The following LETM1 variants were observed in gnomAD, a reference collection of about 807,000 sequenced individuals.
The protein encoded by LETM1 is mitochondrial proton/calcium exchanger protein.
A neutral mutation model predicts 74.5 loss-of-function variants in LETM1; 50 were observed. The ratio of observed to expected loss-of-function variants is 0.67; its 90% confidence interval spans 0.53 to 0.85. The LOEUF is 0.85. Ranked by LOEUF, LETM1 falls within the 40% of genes least tolerant of loss-of-function variation. LETM1 has a pLI of 0.00. For missense variants in LETM1, 824 were observed against 967.8 expected, an observed-to-expected ratio of 0.85 and a Z score of 1.97; for synonymous variants, 446 against 407.1, an observed-to-expected ratio of 1.10 and a Z score of -1.15.
At position 1,849,133 on chromosome 4, in the gene LETM1, A is replaced by T; in HGVS notation, c.143+16T>A. 1 of 1,592,830 alleles carries T rather than the reference A, an allele frequency of 6.3e-7. No homozygotes were observed. ...TTTTCAAACAGACAGGTGCAGAGTG[A>T]TACTGATTTACTCACAGGCAGTTCC... On this transcript the variant is annotated intron_variant, in intron 2 of 13. Coordinates refer to ENST00000302787, the MANE Select transcript of LETM1 (RefSeq NM_012318.3).
intron 3 of LETM1, among the ~76,000 whole-genome samples, chr4:1,840,573 A>G (rs999768349): frequency 1.3e-5 from 2 of 151,794 alleles, no homozygotes; most frequent in African/African-American, 4.8e-5. Flanking sequence ...AGGCTGAGGC[A>G]GGAGAATGGT....
chr4:1,842,674 T>C (rs1712743664), intron 2 of LETM1, among the ~76,000 whole-genome samples: 1 of 152,184 alleles, frequency 6.6e-6, no homozygotes, highest in Admixed American at 6.5e-5. Context: ...AGTGGGAGGC[T>C]GGCACTAACC....
rs1385683018 is a variant in LETM1, at chr4:1,823,513, C to T, written c.1332+131G>A. The T allele has an allele frequency of 4.4e-5, 47 of 1,076,698 alleles. 2 individuals carry two copies. In the South Asian group the frequency reaches 4.8e-4, roughly 11 times the overall value. The allele number at this position is 1,076,698 out of a possible 1,614,324, so 66.7% of individuals were successfully genotyped here. A position where few individuals can be genotyped will look rare whatever the true frequency, so the allele number is the denominator to read the frequency against. On this transcript the variant is annotated intron_variant, in intron 8 of 13. Coordinates refer to ENST00000302787, the MANE Select transcript of LETM1 (RefSeq NM_012318.3). ...GGACAGGTGGCTGGGTGGGGGCACT[C>T]GCGAGGGGGTGGGAGGCAGGCTCCT...
chr4:1,845,539 CT>C (rs565953029), intron 2 of LETM1, among the ~76,000 whole-genome samples: 56 of 137,416 alleles, frequency 4.1e-4, no homozygotes, highest in African/African-American at 1.4e-3. Flanking sequence ...ATTCTTTTTT[CT>C]TTTTTTTTTC....
chr4:1,828,677 C>T (rs1373884713), intron 6 of LETM1, among the ~76,000 whole-genome samples: 6 of 126,110 alleles, frequency 4.8e-5, no homozygotes, highest in African/African-American at 6.4e-5. Flanking sequence ...GCTGGCTGGG[C>T]GGGGGGCTGA....
intron 4 of LETM1, among the ~76,000 whole-genome samples, chr4:1,835,827 T>A (rs928558327): frequency 1.3e-5 from 2 of 152,040 alleles, no homozygotes; most frequent in African/African-American, 4.8e-5. Context: ...ACACCCATAA[T>A]AACACTTTGG....
chr4:1,853,225 G>A (rs1286755408), intron 1 of LETM1, among the ~76,000 whole-genome samples: 1 of 151,920 alleles, frequency 6.6e-6, no homozygotes, highest in Non-Finnish European at 1.5e-5. Flanking sequence ...GTTGTCCCCA[G>A]GCGGCTCAGG....
In LETM1 at chr4:1,828,744, C is replaced by T. The variant is rs573882824; in HGVS notation, c.1081-3061G>A. ...GGCCGGGCAGAGGGGCTCCCCACTTCCCAGCAGGGGCGGCCGGGCAGAGGC... is the reference window on the plus strand; with the variant it reads ...GGCCGGGCAGAGGGGCTCCCCACTTTCCAGCAGGGGCGGCCGGGCAGAGGC... On this transcript the variant is annotated intron_variant, in intron 6 of 13. Coordinates refer to ENST00000302787, the MANE Select transcript of LETM1 (RefSeq NM_012318.3). 2.1e-4 allele frequency among the ~76,000 whole-genome samples: 30 copies of T among 141,696 alleles called. 1 individual carries two copies. In the South Asian group the frequency reaches 3.3e-3, roughly 16 times the overall value. 93.0% of individuals were successfully genotyped at this position (141,696 alleles called of 152,430 possible).
At position 1,812,364 on chromosome 4, in the gene LETM1, C is replaced by CAAAAAAAA. The variant is rs5855720; in HGVS notation, c.*2052_*2059dup. ...TGGGTGACAGAGCGAGACTCTGTAT[C>CAAAAAAAA]AAAAAAAAAAAAAAAAAAAAAAAAA... On this transcript the variant is annotated 3_prime_UTR_variant, in exon 14 of 14. Coordinates refer to ENST00000302787, the MANE Select transcript of LETM1 (RefSeq NM_012318.3). The CAAAAAAAA allele has an allele frequency of 2.4e-5, 1 of 42,072 alleles. No homozygotes were observed. The highest frequency in any genetic ancestry group is 1.0e-4 in the African/African-American group (1 of 9,720). The allele number at this position is 42,072 out of a possible 1,614,324, so 2.6% of individuals were successfully genotyped here.
intron 3 of LETM1, among the ~76,000 whole-genome samples, chr4:1,837,679 AC>A (rs2108849276): frequency 6.6e-6 from 1 of 150,556 alleles, no homozygotes; most frequent in Admixed American, 6.6e-5. Context: ...CAAAACCATC[AC>A]TAAAATCCAA....
chr4:1,822,420 G>T (rs751589356), intron 9 of LETM1, 108 bp from the exon 10 acceptor site: 61 of 1,234,522 alleles, frequency 4.9e-5, no homozygotes, highest in Admixed American at 7.8e-5. Context: ...GAGCAGGCCT[G>T]CAGGTGACAT....
At position 1,819,359 on chromosome 4, in the gene LETM1, C is replaced by T. The variant is rs1290294242; in HGVS notation, c.1722G>A (p.Glu574=). ...KEKEELELLK[E]DVQDYSEDLQ... ...CCACCTCGCTGTAGTCCTGCACATCCTCCTTCAGCAGCTCCAGCTCCTCCT... is the reference window on the plus strand; with the variant it reads ...CCACCTCGCTGTAGTCCTGCACATCTTCCTTCAGCAGCTCCAGCTCCTCCT... The change falls in exon 11 of 14, where the codon GAG becomes GAA. Residue 574 remains glutamate (E), a synonymous_variant. Coordinates refer to ENST00000302787, the MANE Select transcript of LETM1 (RefSeq NM_012318.3). The T allele has an allele frequency of 6.2e-7, 1 of 1,612,844 alleles. No homozygotes were observed. The highest frequency in any genetic ancestry group is 2.2e-5 in the East Asian group (1 of 44,840).
chr4:1,820,333 T>TG (rs1175169266), intron 10 of LETM1, among the ~76,000 whole-genome samples: 5 of 152,212 alleles, frequency 3.3e-5, no homozygotes, highest in Middle Eastern at 3.2e-3. Flanking sequence ...TAGTTCATTT[T>TG]GGGGGGTGCC....
chr4:1,835,401 T>G (rs565524188), intron 4 of LETM1, among the ~76,000 whole-genome samples: 2 of 151,652 alleles, frequency 1.3e-5, no homozygotes, highest in African/African-American at 4.8e-5. Flanking sequence ...ATTGCACCAC[T>G]GCACTCTCCA....
At chr4:1,849,268 T>G (rs1196899965) in intron 1 of LETM1, 59 bp from the exon 2 acceptor site, 11 of 1,246,588 alleles carry the variant, frequency 8.8e-6, no homozygotes, top group Non-Finnish European at 1.3e-5. Context: ...TACTGATACC[T>G]TTTTTTGTTG....
intron 2 of LETM1, among the ~76,000 whole-genome samples, chr4:1,845,539 C>CT (rs565953029): frequency 1.9e-4 from 26 of 137,358 alleles, no homozygotes; most frequent in African/African-American, 2.9e-4. Flanking sequence ...ATTCTTTTTT[C>CT]TTTTTTTTTT....
At chr4:1,818,107 G>A (rs994911291) in intron 11 of LETM1, among the ~76,000 whole-genome samples, 8 of 151,984 alleles carry the variant, frequency 5.3e-5, no homozygotes, top group Non-Finnish European at 1.2e-4. Flanking sequence ...ATTCCAAGTT[G>A]TTTTTTTCCC....
At chr4:1,854,287 C>T (rs1443760084) in intron 1 of LETM1, among the ~76,000 whole-genome samples, 3 of 150,428 alleles carry the variant, frequency 2.0e-5, no homozygotes, top group African/African-American at 7.3e-5. Context: ...CAAGACCGGC[C>T]TGACCAACAT....
intron 1 of LETM1, among the ~76,000 whole-genome samples, chr4:1,849,736 C>T (rs955431776): frequency 2.0e-5 from 3 of 152,146 alleles, no homozygotes; most frequent in Non-Finnish European, 2.9e-5. Flanking sequence ...TTTGTAAAGA[C>T]GGGGTTTCGT....
Sources: allele counts gnomAD v4.1 joint callset (sites outside exome capture counted in the v4.1 genomes callset), GRCh38; gene constraint gnomAD v4.1.1; transcripts MANE v1.5; gene names NCBI Gene and HGNC (gene_info 2026-07-23, HGNC 2026-07-21).